The following RAD51B variants were observed in gnomAD, a reference collection of about 807,000 sequenced individuals.
RAD51B encodes RAD51 paralog B.
RAD51B carries 38 observed loss-of-function variants against 42.2 expected under a neutral mutation model. That is an observed-to-expected ratio of 0.90 (90% CI 0.70 to 1.18). The LOEUF is 1.18. Ranked by LOEUF, RAD51B falls within the 50% of genes most tolerant of loss-of-function variation. RAD51B has a pLI of 0.00. For missense variants in RAD51B, 373 were observed against 400.7 expected (o/e 0.93, Z 0.59); for synonymous variants, 154 against 145.2 (o/e 1.06, Z -0.43).
intron 7 of RAD51B, among the ~76,000 whole-genome samples, chr14:68,200,549 C>G (rs1001829434): frequency 6.6e-6 from 1 of 152,114 alleles, no homozygotes; most frequent in Non-Finnish European, 1.5e-5. Flanking sequence ...CCTCAGAGAC[C>G]CTTCCTTTTA....
chr14:68,172,680 T>C (rs1368089467), intron 7 of RAD51B, among the ~76,000 whole-genome samples: 1 of 152,188 alleles, frequency 6.6e-6, no homozygotes, highest in Non-Finnish European at 1.5e-5. Context: ...CTTAAGAGAA[T>C]TAAAATGATG....
intron 7 of RAD51B, among the ~76,000 whole-genome samples, chr14:68,077,032 A>G (rs954781041): frequency 2.0e-5 from 3 of 152,178 alleles, no homozygotes; most frequent in Admixed American, 2.0e-4. Flanking sequence ...TTTAAGTTAT[A>G]AGTCTACCCT....
chr14:67,825,929 C>A (rs1385112567), intron 3 of RAD51B, among the ~76,000 whole-genome samples: 2 of 152,006 alleles, frequency 1.3e-5, no homozygotes. Flanking sequence ...GGGATTTCAC[C>A]TTATTGGCCA....
intron 10 of RAD51B, among the ~76,000 whole-genome samples, chr14:68,585,442 G>A (rs2253309): frequency 1.3e-5 from 2 of 152,138 alleles, no homozygotes; most frequent in African/African-American, 2.4e-5. Context: ...TCCTGACGAG[G>A]AGCCCCAGGC....
intron 5 of RAD51B, among the ~76,000 whole-genome samples, chr14:67,877,523 T>C (rs181127803): frequency 1.8e-3 from 269 of 152,306 alleles, no homozygotes; most frequent in African/African-American, 6.2e-3. Context: ...CCATTTCCCA[T>C]TGGGCTTCTA....
At chr14:68,359,384 G>A (rs969935063) in intron 8 of RAD51B, among the ~76,000 whole-genome samples, 1 of 151,922 alleles carries the variant, frequency 6.6e-6, no homozygotes, top group Non-Finnish European at 1.5e-5. Context: ...CATTTTTTTG[G>A]TTTTGTTTTG....
intron 7 of RAD51B, among the ~76,000 whole-genome samples, chr14:68,009,524 C>CT (rs1259404782): frequency 1.3e-5 from 2 of 151,688 alleles, no homozygotes; most frequent in Non-Finnish European, 3.0e-5. Context: ...ATACATGTAC[C>CT]TTTTTGGTTC....
At chr14:68,203,331 A>G (rs1199837700) in intron 7 of RAD51B, among the ~76,000 whole-genome samples, 2 of 152,232 alleles carry the variant, frequency 1.3e-5, no homozygotes, top group African/African-American at 2.4e-5. Flanking sequence ...TTGGGTGACT[A>G]GGAACATTGT....
In RAD51B at chr14:67,934,409, C is replaced by T. The variant is rs201180733; in HGVS notation, c.756+47205C>T. The stretch of plus-strand genomic sequence containing the variant: ...TACTGTGAAGGAAGTAGTAAAATGC[C>T]ATCAGTAATTAGCTCAGGAAAGTGG... On this transcript the variant is annotated intron_variant, in intron 7 of 10. Transcript: ENST00000471583. 1.6e-4 allele frequency among the ~76,000 whole-genome samples: 25 copies of T among 152,088 alleles called. No homozygotes were observed. In the East Asian group the frequency reaches 4.8e-3, roughly 29 times the overall value.
intron 8 of RAD51B, among the ~76,000 whole-genome samples, chr14:68,296,648 G>T (rs911267621): frequency 3.3e-5 from 5 of 152,188 alleles, no homozygotes; most frequent in Admixed American, 3.3e-4. Flanking sequence ...TTGACAAATG[G>T]TAACAGTGAG....
At chr14:68,371,261 G>A (rs2083258261) in intron 8 of RAD51B, among the ~76,000 whole-genome samples, 1 of 151,876 alleles carries the variant, frequency 6.6e-6, no homozygotes, top group South Asian at 2.1e-4. Flanking sequence ...GCTTACGCCT[G>A]TAATCCCAGC....
chr14:68,268,955 T>G (rs1160879282), intron 7 of RAD51B, among the ~76,000 whole-genome samples: 9 of 152,204 alleles, frequency 5.9e-5, no homozygotes, highest in Admixed American at 5.9e-4. Context: ...AGCCACAGTG[T>G]GATCAGACAC....
At chr14:68,665,864 A>G (rs1400171984) in intron 11 of RAD51B, among the ~76,000 whole-genome samples, 1 of 152,196 alleles carries the variant, frequency 6.6e-6, no homozygotes, top group Non-Finnish European at 1.5e-5. Flanking sequence ...AGTGCAGCCA[A>G]CTTTACCCCC....
intron 7 of RAD51B, among the ~76,000 whole-genome samples, chr14:68,161,979 C>G (rs1566694120): frequency 6.6e-6 from 1 of 152,168 alleles, no homozygotes. Context: ...GGCTAGGATG[C>G]CTATACCTCC....
chr14:68,563,135 G>A, intron 10 of RAD51B: 1 of 985,442 alleles, frequency 1.0e-6, no homozygotes, highest in Non-Finnish European at 1.2e-6. Flanking sequence ...CTTCACATTT[G>A]ACTTGGCGAA....
At chr14:68,535,257 A>G (rs1197327921) in intron 10 of RAD51B, among the ~76,000 whole-genome samples, 1 of 152,152 alleles carries the variant, frequency 6.6e-6, no homozygotes, top group Non-Finnish European at 1.5e-5. Flanking sequence ...CACTGATTTC[A>G]AAAGTTAGTC....
At chr14:67,882,780 C>CT (rs1266673238) in intron 5 of RAD51B, among the ~76,000 whole-genome samples, 1 of 151,880 alleles carries the variant, frequency 6.6e-6, no homozygotes, top group Non-Finnish European at 1.5e-5. Flanking sequence ...GAGCCTCACT[C>CT]TGTTGCCTAG....
chr14:67,827,246 C>T (rs2140282215), intron 3 of RAD51B, among the ~76,000 whole-genome samples: 1 of 152,278 alleles, frequency 6.6e-6, no homozygotes, highest in South Asian at 2.1e-4. Flanking sequence ...AATTTGTCAT[C>T]TGTCATTCTA....
At chr14:68,577,905 A>G (rs147485603) in intron 10 of RAD51B, among the ~76,000 whole-genome samples, 1 of 152,228 alleles carries the variant, frequency 6.6e-6, no homozygotes, top group Admixed American at 6.5e-5. Flanking sequence ...GGTTCAAATC[A>G]GGGAGAATGG....
Sources: allele counts gnomAD v4.1 joint callset (sites outside exome capture counted in the v4.1 genomes callset), GRCh38; gene constraint gnomAD v4.1.1; transcripts MANE v1.5; gene names NCBI Gene and HGNC (gene_info 2026-07-23, HGNC 2026-07-21).